The following ITPR3 variants were observed in gnomAD, a reference collection of about 807,000 sequenced individuals.
ITPR3 encodes inositol 1,4,5-trisphosphate receptor type 3.
ITPR3 carries 173 observed loss-of-function variants against 293.2 expected under a neutral mutation model. That is an observed-to-expected ratio of 0.59 (90% CI 0.52 to 0.67). ITPR3 has a LOEUF of 0.67. ITPR3 is among the 30% of genes least tolerant of loss of function. The pLI, the probability that ITPR3 is intolerant of heterozygous loss-of-function variation, is 0.00. For synonymous variants in ITPR3, 1,295 were observed against 1,444.4 expected, an observed-to-expected ratio of 0.90 and a Z score of 2.35; for missense variants, 2,796 against 3,592.1, an observed-to-expected ratio of 0.78 and a Z score of 5.66.
intron 39 of ITPR3, among the ~76,000 whole-genome samples, 200 bp downstream of exon 39, chr6:33,685,143 G>A (rs1032111646): frequency 6.6e-6 from 1 of 152,170 alleles, no homozygotes; most frequent in Non-Finnish European, 1.5e-5. Context: ...GGGCAGAGGG[G>A]TATGCGGGGG....
chr6:33,678,729 CA>C lies in ITPR3; in HGVS notation c.3863del (p.His1288ProfsTer33). The C allele has an allele frequency of 6.2e-7, 1 of 1,613,466 alleles. No homozygotes were observed. The highest frequency in any genetic ancestry group is 8.5e-7 in the Non-Finnish European group (1 of 1,179,864). On this transcript the variant is annotated frameshift_variant, in exon 30 of 58. Coordinates refer to ENST00000605930, the MANE Select transcript of ITPR3 (RefSeq NM_002224.4). LOFTEE classifies it high-confidence loss of function. ...CGAGCCTGTGTTGCAGCACTTCGTG[CA>C]CCTGCTGGCCACGCACGGGCGCCAT... ...ISEPVLQHFV[H>X]LLATHGRHVQ...
Position 33,670,175 on chromosome 6 carries a change from C to T in ITPR3, c.2190-150C>T, listed in dbSNP as rs1764717391. The T allele has an allele frequency of 1.9e-5, 15 of 808,402 alleles. 1 individual carries two copies. The South Asian group carries it at 1.9e-4, about 10-fold the overall frequency. The allele number at this position is 808,402 out of a possible 1,614,324, so 50.1% of individuals were successfully genotyped here. ...TACTGGTTATCACAGACAGGTTTTC[C>T]GTTCACCTTTCTAACTCAGAATTGC... On this transcript the variant is annotated intron_variant, in intron 18 of 57. Transcript: ENST00000605930. This position sits in a 1 kb window ranked among gnomAD's most constrained non-coding sequence, Gnocchi z 6.7.
chr6:33,633,414 C>T lies in ITPR3; in HGVS notation c.90-7070C>T, dbSNP rs1047417680. Among the ~76,000 whole-genome samples the T allele has an allele frequency of 6.6e-6, 1 of 152,162 alleles. No individual in the cohort carries two copies. On this transcript the variant is annotated intron_variant, in intron 1 of 57. Coordinates refer to ENST00000605930, the MANE Select transcript of ITPR3 (RefSeq NM_002224.4). This position sits in a 1 kb window ranked among gnomAD's most constrained non-coding sequence, Gnocchi z 5.2. ...AGCGCCCGGTGCGCACTCAGCAGGG[C>T]ACCTGTGGTCCGGCTAGTTTGATAA... is the stretch of plus-strand genomic sequence containing the variant.
chr6:33,642,284 A>G (rs544018122), intron 2 of ITPR3, among the ~76,000 whole-genome samples: 4 of 152,118 alleles, frequency 2.6e-5, no homozygotes, highest in Admixed American at 6.5e-5. Context: ...ATGGACGGGT[A>G]GAGAAAGGAG....
In ITPR3 at chr6:33,666,982, T is replaced by G. The variant is rs1582136694; in HGVS notation, c.1552-147T>G. 1 of 919,050 alleles carries G rather than the reference T, an allele frequency of 1.1e-6. No individual in the cohort carries two copies. Among genetic ancestry groups the G allele is most frequent in the Non-Finnish European group, 1.7e-6 (1 of 604,916 alleles). 56.9% of individuals were successfully genotyped at this position (919,050 alleles called of 1,614,324 possible). On this transcript the variant is annotated intron_variant, in intron 14 of 57. Transcript: ENST00000605930. This position sits in a 1 kb window ranked among gnomAD's most constrained non-coding sequence, Gnocchi z 5.1. ...GGGGCTGAGGATGGCTGGGCTGGGG[T>G]TGTGGTCCAGCTTAGAATCAGCTCG...
chr6:33,676,968 C>T (rs1251864420), intron 26 of ITPR3, 36 bp downstream of exon 26: 1 of 1,613,818 alleles, frequency 6.2e-7, no homozygotes, highest in African/African-American at 1.3e-5. Flanking sequence ...GCAGGCCTCC[C>T]TGTGAGGGCT....
chr6:33,695,191 C>A (rs1050806604), intron 57 of ITPR3, 106 bp downstream of exon 57: 4 of 1,284,762 alleles, frequency 3.1e-6, no homozygotes, highest in Non-Finnish European at 4.3e-6. Flanking sequence ...GGCCTCTGGC[C>A]CTGGGCCTGG....
intron 2 of ITPR3, among the ~76,000 whole-genome samples, chr6:33,645,326 G>A (rs577623722): frequency 4.9e-4 from 74 of 152,100 alleles, no homozygotes; most frequent in African/African-American, 1.6e-3. Flanking sequence ...ACAGGGAGAC[G>A]CTGTCTCAAA....
At chr6:33,636,973 G>C (rs943544583) in intron 1 of ITPR3, among the ~76,000 whole-genome samples, 1 of 152,190 alleles carries the variant, frequency 6.6e-6, no homozygotes. Context: ...GGGCTGCCTG[G>C]CTTCAAAACC....
At chr6:33,676,362 T>C (rs893163573) in intron 25 of ITPR3, among the ~76,000 whole-genome samples, 2 of 152,228 alleles carry the variant, frequency 1.3e-5, no homozygotes, top group Non-Finnish European at 2.9e-5. Flanking sequence ...CAGGGAGCTT[T>C]CCTCCATTGC....
At position 33,671,221 on chromosome 6, in the gene ITPR3, G is replaced by T. The variant is rs1260777050; in HGVS notation, c.2643G>T (p.Leu881=). 1.2e-6 allele frequency: 2 copies of T among 1,613,610 alleles called. No individual in the cohort carries two copies. The highest frequency in any genetic ancestry group is 1.7e-6 in the Non-Finnish European group (2 of 1,179,972). The change falls in exon 21 of 58, where the codon CTG becomes CTT. Residue 881 remains leucine, a synonymous_variant. Coordinates refer to ENST00000605930, the MANE Select transcript of ITPR3 (RefSeq NM_002224.4). Reference sequence around the variant, plus strand: ...TCGGCTTCTACAGCTTCAGCGAGCTGCTGCGGCTCACTCGCACACTGCTGG... The same window carrying T: ...TCGGCTTCTACAGCTTCAGCGAGCTTCTGCGGCTCACTCGCACACTGCTGG... The part of the protein sequence containing the change: ...IYFGFYSFSE[L]LRLTRTLLGI...
rs372743632 is a variant in ITPR3, at chr6:33,664,987, G to A, written c.1248+18G>A. ...GGCTCATGGTGCGTGTCCCTGGGGT[G>A]GGGGTGGGGCTGGGGCCAGGGCCGG... On this transcript the variant is annotated intron_variant, in intron 12 of 57. Transcript: ENST00000605930. This position sits in a 1 kb window ranked among gnomAD's most constrained non-coding sequence, Gnocchi z 4.4. The A allele has an allele frequency of 1.7e-5, 27 of 1,612,886 alleles. No individual in the cohort carries two copies. Among genetic ancestry groups the A allele is most frequent in the Non-Finnish European group, 2.2e-5 (26 of 1,179,364 alleles).
chr6:33,690,076 C>T lies in ITPR3; in HGVS notation c.6910C>T (p.Arg2304Cys), dbSNP rs143484125. 63 of 1,614,068 alleles carry T rather than the reference C, an allele frequency of 3.9e-5. No individual in the cohort carries two copies. Among genetic ancestry groups the T allele is most frequent in the African/African-American group, 1.5e-4 (11 of 74,894 alleles). The change falls in exon 51 of 58, where the codon CGT becomes TGT. Residue 2304 changes from arginine (R) to cysteine (C), a missense_variant. By Grantham distance (180) the Arg-to-Cys change is radical. Transcript: ENST00000605930. ...GTTTGTGGTGAGCTTCGTGGGCAAC[C>T]GTGGCACCTTCATCCGGGGCTATAA... ...IVFVVSFVGN[R>C]GTFIRGYKAM...
chr6:33,694,524 TC>T (rs757143040), intron 56 of ITPR3: 5 of 252,578 alleles, frequency 2.0e-5, no homozygotes, highest in Non-Finnish European at 3.9e-5. Context: ...ACTCGCGTCT[TC>T]CCGGGGCGTG....
intron 2 of ITPR3, among the ~76,000 whole-genome samples, chr6:33,651,063 T>A: frequency 6.6e-6 from 1 of 150,690 alleles, no homozygotes; most frequent in East Asian, 2.0e-4. Context: ...GATCACGAGG[T>A]CAGGAGATCG....
intron 25 of ITPR3, among the ~76,000 whole-genome samples, chr6:33,676,389 A>T (rs1287997647): frequency 6.6e-6 from 1 of 152,180 alleles, no homozygotes; most frequent in African/African-American, 2.4e-5. Context: ...ACCCAGAGCG[A>T]GGATGGTGGC....
chr6:33,666,024 G>C lies in ITPR3; in HGVS notation c.1551+48G>C. 2 of 1,544,808 alleles carry C rather than the reference G, an allele frequency of 1.3e-6. No individual in the cohort carries two copies. The highest frequency in any genetic ancestry group is 1.8e-6 in the Non-Finnish European group (2 of 1,140,786). On this transcript the variant is annotated intron_variant, in intron 14 of 57. Coordinates refer to ENST00000605930, the MANE Select transcript of ITPR3 (RefSeq NM_002224.4). This position sits in a 1 kb window ranked among gnomAD's most constrained non-coding sequence, Gnocchi z 5.1. ...ACGCAGAGGGGCCGGGTGCCCGGGA[G>C]AGGGATGCCTTCAACTGCAGGCTCA...
In ITPR3 at chr6:33,658,091, C is replaced by A; in HGVS notation, c.369+73C>A. The A allele has an allele frequency of 7.4e-7, 1 of 1,349,110 alleles. No individual in the cohort carries two copies. Among genetic ancestry groups the A allele is most frequent in the Non-Finnish European group, 1.0e-6 (1 of 952,616 alleles). 83.6% of individuals were successfully genotyped at this position (1,349,110 alleles called of 1,614,324 possible). A position where few individuals can be genotyped will look rare whatever the true frequency, so the allele number is the denominator to read the frequency against. ...AGGCTGGGCTGGTGCTGGGTGAGGGCTGCCAGCAGGCATTGCCCTCTGTGC... is the reference window on the plus strand; with the variant it reads ...AGGCTGGGCTGGTGCTGGGTGAGGGATGCCAGCAGGCATTGCCCTCTGTGC... On this transcript the variant is annotated intron_variant, in intron 4 of 57. Transcript: ENST00000605930. This position sits in a 1 kb window ranked among gnomAD's most constrained non-coding sequence, Gnocchi z 6.1.
chr6:33,680,537 C>A lies in ITPR3; in HGVS notation c.4351-18C>A. 1 of 1,612,552 alleles carries A rather than the reference C, an allele frequency of 6.2e-7. No individual in the cohort carries two copies. The highest frequency in any genetic ancestry group is 8.5e-7 in the Non-Finnish European group (1 of 1,179,064). On this transcript the variant is annotated intron_variant, in intron 32 of 57. Transcript: ENST00000605930. ...CCCCATGTGAGGAGCCCCCAGCCAT[C>A]CCTCTCTCCTGCCTCAGGTCTGCAG...
Sources: gnomAD v4.1 joint callset for allele counts (sites outside exome capture counted in the v4.1 genomes callset) on GRCh38, gnomAD v4.1.1 for gene constraint, Gnocchi (gnomAD v3.1) non-coding constraint, MANE v1.5 for transcripts, NCBI Gene and HGNC (gene_info 2026-07-23, HGNC 2026-07-21) for gene names.